SYT11: variants seen among roughly 807,000 people sequenced by gnomAD.
SYT11 encodes synaptotagmin-11.
In SYT11, 12 loss-of-function variants were observed where a neutral mutation model predicts 30.4. That is an observed-to-expected ratio of 0.39 (90% confidence interval 0.25 to 0.64). The LOEUF is 0.64. Among genes scored for constraint, SYT11 ranks in the 30% least tolerant of loss-of-function variants. SYT11 has a pLI of 0.45. For synonymous variants in SYT11, 204 were observed against 216.0 expected (o/e 0.94, Z 0.49); for missense variants, 412 against 552.0 (o/e 0.75, Z 2.54).
intron 3 of SYT11, 75 bp from the exon 4 acceptor site, chr1:155,881,123 T>A: frequency 6.8e-7 from 1 of 1,475,398 alleles, no homozygotes; most frequent in Non-Finnish European, 9.2e-7. Context: ...TTTCCCAACA[T>A]GAAATTACCA....
At chr1:155,875,282 T>C (rs1042071908) in intron 2 of SYT11, among the ~76,000 whole-genome samples, 2 of 148,502 alleles carry the variant, frequency 1.3e-5, no homozygotes, top group Non-Finnish European at 3.0e-5. Context: ...ACAATACATA[T>C]GTTATGGGTA....
In SYT11 at chr1:155,868,839, A is replaced by G. The variant is rs1325157070; in HGVS notation, c.861+48A>G. ...GGAGCAATGGTAGGTTGGGGGAGAA[A>G]ATATCTCAGGGGATAAATGGAAGTG... On this transcript the variant is annotated intron_variant, in intron 2 of 3. Coordinates refer to ENST00000368324, the MANE Select transcript of SYT11 (RefSeq NM_152280.5). This position sits in a 1 kb window ranked among gnomAD's most constrained non-coding sequence, Gnocchi z 4.7. 1 of 1,546,522 alleles carries G rather than the reference A, an allele frequency of 6.5e-7. No individual in the cohort carries two copies. Among genetic ancestry groups the G allele is most frequent in the Non-Finnish European group, 8.8e-7 (1 of 1,137,038 alleles).
chr1:155,881,833 A>G lies in SYT11; in HGVS notation c.*325A>G, dbSNP rs1672969364. On this transcript the variant is annotated 3_prime_UTR_variant, in exon 4 of 4. Coordinates refer to ENST00000368324, the MANE Select transcript of SYT11 (RefSeq NM_152280.5). ...AACCTCTGCCCTCCAGGTTCAAGTG[A>G]TTCTCCTCCCTCAGCCTCCCAAGTA... The G allele has an allele frequency of 5.9e-6, 1 of 169,078 alleles. No individual in the cohort carries two copies. Among genetic ancestry groups the G allele is most frequent in the Admixed American group, 6.2e-5 (1 of 16,096 alleles). 10.5% of individuals were successfully genotyped at this position (169,078 alleles called of 1,614,324 possible). A position where few individuals can be genotyped will look rare whatever the true frequency, so the allele number is the denominator to read the frequency against.
chr1:155,876,561 T>C (rs1259464141), intron 2 of SYT11, among the ~76,000 whole-genome samples: 1 of 151,812 alleles, frequency 6.6e-6, no homozygotes, highest in Non-Finnish European at 1.5e-5. Flanking sequence ...TCACCTCCTT[T>C]TGTTTTCTTT....
chr1:155,871,487 G>A (rs2102560207), intron 2 of SYT11, among the ~76,000 whole-genome samples: 1 of 152,312 alleles, frequency 6.6e-6, no homozygotes, highest in African/African-American at 2.4e-5. Flanking sequence ...AGTAGAACAT[G>A]GCTCTGTGCC....
chr1:155,861,368 C>G (rs903513655), intron 1 of SYT11, among the ~76,000 whole-genome samples: 6 of 152,134 alleles, frequency 3.9e-5, no homozygotes, highest in African/African-American at 1.4e-4. Flanking sequence ...CTTTCTCTAA[C>G]TGCAGTTCCA....
intron 1 of SYT11, among the ~76,000 whole-genome samples, chr1:155,862,720 C>T (rs2102553516): frequency 6.6e-6 from 1 of 152,364 alleles, no homozygotes; most frequent in Admixed American, 6.5e-5. Flanking sequence ...TCTAAGCCTT[C>T]AGATCTCTCT....
intron 2 of SYT11, among the ~76,000 whole-genome samples, chr1:155,873,026 T>A (rs1672803716): frequency 6.6e-6 from 1 of 152,210 alleles, no homozygotes; most frequent in South Asian, 2.1e-4. Context: ...TTAGGAAGAT[T>A]TTCCTAGAAT....
rs73002934 is a variant in SYT11 at position 155,868,221 on chromosome 1, C to T, written c.291C>T (p.Asp97=). The change falls in exon 2 of 4, where the codon GAC becomes GAT. Residue 97 remains aspartate, a synonymous_variant. Coordinates refer to ENST00000368324, the MANE Select transcript of SYT11 (RefSeq NM_152280.5). The surrounding 1 kb of genome is among the most constrained non-coding windows in gnomAD (Gnocchi z 4.7). ...REGGRRNLLV[D]AAEAGLLSRD... The stretch of plus-strand genomic sequence containing the variant: ...GTGGACGTAGGAACCTGTTGGTGGA[C>T]GCAGCAGAGGCTGGCCTGCTAAGCC... 502 of 1,614,024 alleles carry T rather than the reference C, an allele frequency of 3.1e-4. 1 individual carries two copies. The African/African-American group carries it at 5.6e-3, about 18-fold the overall frequency.
chr1:155,874,992 C>T (rs1161165592), intron 2 of SYT11, among the ~76,000 whole-genome samples: 5 of 150,288 alleles, frequency 3.3e-5, no homozygotes, highest in East Asian at 1.9e-4. Context: ...TGGTGACTCA[C>T]GCCTGTAATC....
chr1:155,875,347 A>G (rs1285044828), intron 2 of SYT11, among the ~76,000 whole-genome samples: 1 of 152,068 alleles, frequency 6.6e-6, no homozygotes, highest in African/African-American at 2.4e-5. Context: ...AATATTTTTA[A>G]AGTTGATCCC....
intron 2 of SYT11, among the ~76,000 whole-genome samples, chr1:155,877,316 C>G (rs1253850311): frequency 6.6e-6 from 1 of 151,314 alleles, no homozygotes; most frequent in East Asian, 1.9e-4. Context: ...GTTGGCCAGG[C>G]TGGTCTCGAA....
In SYT11 at chr1:155,881,458, G is replaced by T; in HGVS notation, c.1246G>T (p.Glu416Ter). The T allele has an allele frequency of 6.2e-7, 1 of 1,613,124 alleles. No individual in the cohort carries two copies. Among genetic ancestry groups the T allele is most frequent in the Non-Finnish European group, 8.5e-7 (1 of 1,179,238 alleles). Reference protein sequence around the residue: ...SGAEHWREVCESPRKPVAKWH... With the variant: ...SGAEHWREVC The stretch of plus-strand genomic sequence containing the variant: ...TGCTGAACACTGGAGAGAGGTCTGC[G>T]AGAGCCCCCGCAAGCCTGTGGCCAA... Residue 416 changes from glutamate to a stop codon, truncating the protein, a stop_gained, in exon 4 of 4, where the codon GAG becomes TAG. Coordinates refer to ENST00000368324, the MANE Select transcript of SYT11 (RefSeq NM_152280.5). LOFTEE classifies it high-confidence loss of function.
intron 1 of SYT11, among the ~76,000 whole-genome samples, chr1:155,865,234 GA>G (rs1453353540): frequency 1.3e-5 from 2 of 152,168 alleles, no homozygotes; most frequent in African/African-American, 4.8e-5. Context: ...GGGTGATGGG[GA>G]CATTATCTTA....
chr1:155,862,008 T>C (rs73002927), intron 1 of SYT11, among the ~76,000 whole-genome samples: 224 of 152,364 alleles, frequency 1.5e-3, no homozygotes, highest in African/African-American at 5.2e-3. Context: ...CGAAAAGCTA[T>C]GTTTAGGAAA....
At chr1:155,875,267 A>T (rs1672843332) in intron 2 of SYT11, among the ~76,000 whole-genome samples, 1 of 150,950 alleles carries the variant, frequency 6.6e-6, no homozygotes, top group African/African-American at 2.4e-5. Flanking sequence ...AAAAAAAAAA[A>T]GCTGACAATA....
At position 155,882,984 on chromosome 1, in the gene SYT11, G is replaced by A. The variant is rs1673005639; in HGVS notation, c.*1476G>A. 1.3e-5 allele frequency: 2 copies of A among 152,350 alleles called. No individual in the cohort carries two copies. Among genetic ancestry groups the A allele is most frequent in the African/African-American group, 4.8e-5 (2 of 41,454 alleles). The allele number at this position is 152,350 out of a possible 1,614,324, so 9.4% of individuals were successfully genotyped here. On this transcript the variant is annotated 3_prime_UTR_variant, in exon 4 of 4. Coordinates refer to ENST00000368324, the MANE Select transcript of SYT11 (RefSeq NM_152280.5). ...CTTAAAAAAATAACAGTGTGACTGA[G>A]TGAATGAAGATAAGTTGGATTCTTT...
chr1:155,875,645 C>T (rs771650003), intron 2 of SYT11, among the ~76,000 whole-genome samples: 2 of 152,090 alleles, frequency 1.3e-5, no homozygotes, highest in South Asian at 2.1e-4. Context: ...TCAAGTGATC[C>T]GCCCTCCTCG....
chr1:155,878,563 A>G (rs552331149), intron 2 of SYT11, among the ~76,000 whole-genome samples: 83 of 152,154 alleles, frequency 5.5e-4, no homozygotes, highest in African/African-American at 1.9e-3. Flanking sequence ...TCAGCTGGTA[A>G]AGCCTTCCCT....
Sources: allele counts gnomAD v4.1 joint callset (sites outside exome capture counted in the v4.1 genomes callset), GRCh38; gene constraint gnomAD v4.1.1; non-coding constraint Gnocchi (gnomAD v3.1); transcripts MANE v1.5; gene names NCBI Gene and HGNC (gene_info 2026-07-23, HGNC 2026-07-21).